Variants in GYPC observed in about 807,000 individuals in gnomAD.
GYPC encodes glycophorin C (Gerbich blood group), also known as glycophorin-C.
Under a neutral mutation model 12.6 loss-of-function variants are expected in GYPC, and 14 were observed. The ratio of observed to expected loss-of-function variants is 1.11; its 90% CI spans 0.74 to 1.74. GYPC has a LOEUF of 1.74. Ranked by LOEUF, GYPC falls within the 40% of genes most tolerant of loss-of-function variation. The pLI is 0.00. For synonymous variants in GYPC, 78 were observed against 62.1 expected, an observed-to-expected ratio of 1.26 and a Z score of -1.20; for missense variants, 225 against 172.1, an observed-to-expected ratio of 1.31 and a Z score of -1.72.
chr2:126,656,637 C>T (rs929850874), intron 1 of GYPC, among the ~76,000 whole-genome samples: 1 of 152,248 alleles, frequency 6.6e-6, no homozygotes, highest in Admixed American at 6.5e-5. Flanking sequence ...TGTGTGGGGC[C>T]AGAATTGTCT....
At chr2:126,681,553 A>T (rs552779191) in intron 1 of GYPC, among the ~76,000 whole-genome samples, 1 of 151,558 alleles carries the variant, frequency 6.6e-6, no homozygotes, top group East Asian at 1.9e-4. Context: ...ATACCAGAGT[A>T]TTGAAGGTAC....
rs572617546 is a variant in GYPC at position 126,696,235 on chromosome 2, C to CAG, written c.*104_*105dup. The CAG allele has an allele frequency of 2.2e-4, 203 of 907,046 alleles. No individual in the cohort carries two copies. Among genetic ancestry groups the CAG allele is most frequent in the African/African-American group, 3.6e-4 (22 of 60,866 alleles). 56.2% of individuals were successfully genotyped at this position (907,046 alleles called of 1,614,324 possible). On this transcript the variant is annotated 3_prime_UTR_variant, in exon 4 of 4. Coordinates refer to ENST00000259254, the MANE Select transcript of GYPC (RefSeq NM_002101.5). ...CAGCACCCCTGCTGATACCACCAGA[C>CAG]AGAGAGAGAGAGCACTTGATTCTTC...
intron 1 of GYPC, among the ~76,000 whole-genome samples, chr2:126,685,648 G>T (rs1426995319): frequency 6.6e-6 from 1 of 152,096 alleles, no homozygotes; most frequent in Non-Finnish European, 1.5e-5. Flanking sequence ...GCCTCCCAAA[G>T]TTGGGATTAC....
intron 1 of GYPC, among the ~76,000 whole-genome samples, chr2:126,666,813 C>A (rs17690541): frequency 3.3e-4 from 50 of 151,282 alleles, no homozygotes; most frequent in Admixed American, 2.8e-3. Flanking sequence ...CATCTCCTTG[C>A]GTTTCTTAGC....
intron 1 of GYPC, among the ~76,000 whole-genome samples, chr2:126,659,281 A>G (rs182035761): frequency 2.6e-5 from 4 of 152,250 alleles, no homozygotes; most frequent in African/African-American, 9.6e-5. Flanking sequence ...GCTTTTGTCC[A>G]TTTCCTGTCA....
At chr2:126,662,572 G>A (rs887660617) in intron 1 of GYPC, among the ~76,000 whole-genome samples, 12 of 152,164 alleles carry the variant, frequency 7.9e-5, no homozygotes, top group South Asian at 4.1e-4. Flanking sequence ...ACAGGGATGG[G>A]ACCTGCCCAG....
In GYPC at chr2:126,680,648, C is replaced by T. The variant is rs566417784; in HGVS notation, c.50-9607C>T. On this transcript the variant is annotated intron_variant, in intron 1 of 3. Coordinates refer to ENST00000259254, the MANE Select transcript of GYPC (RefSeq NM_002101.5). Reference sequence around the variant, plus strand: ...GCAGAAGCAAGGGACTGGGGGTGAACCATGGACTGAAGCCACAGCGCACAT... The same window carrying T: ...GCAGAAGCAAGGGACTGGGGGTGAATCATGGACTGAAGCCACAGCGCACAT... Among the ~76,000 whole-genome samples, 5 of 152,294 alleles carry T rather than the reference C, an allele frequency of 3.3e-5. No homozygotes were observed. The East Asian group carries it at 9.6e-4, about 29-fold the overall frequency.
chr2:126,688,952 T>G (rs893798), intron 1 of GYPC, among the ~76,000 whole-genome samples: 9 of 152,050 alleles, frequency 5.9e-5, no homozygotes, highest in African/African-American at 1.9e-4. Context: ...CCTATGTTAA[T>G]GCTGATATTT....
At chr2:126,687,490 C>A (rs902492880) in intron 1 of GYPC, among the ~76,000 whole-genome samples, 4 of 152,204 alleles carry the variant, frequency 2.6e-5, no homozygotes, top group Non-Finnish European at 5.9e-5. Flanking sequence ...TCCCAGACAG[C>A]CTTGAGCTTC....
intron 1 of GYPC, among the ~76,000 whole-genome samples, chr2:126,669,589 CCT>C (rs143683999): frequency 6.6e-6 from 1 of 152,272 alleles, no homozygotes; most frequent in African/African-American, 2.4e-5. Context: ...ATTTCAGAAT[CCT>C]GGAGCCTCTG....
Position 126,693,964 on chromosome 2 carries a change from G to A in GYPC, c.190+17G>A, listed in dbSNP as rs1558894242. 2 of 1,557,814 alleles carry A rather than the reference G, an allele frequency of 1.3e-6. No individual in the cohort carries two copies. Among genetic ancestry groups the A allele is most frequent in the Non-Finnish European group, 1.8e-6 (2 of 1,128,456 alleles). The stretch of plus-strand genomic sequence containing the variant: ...TCATTGCAGGTGAGCTCTCATCACA[G>A]AGCCCTTCAAGCAGCCAGGGTGGGG... On this transcript the variant is annotated intron_variant, in intron 3 of 3. Transcript: ENST00000259254.
chr2:126,675,693 G>A lies in GYPC; in HGVS notation c.50-14562G>A, dbSNP rs185977768. 7.2e-5 allele frequency: 71 copies of A among 985,032 alleles called. No individual in the cohort carries two copies. The East Asian group carries it at 3.3e-3, about 46-fold the overall frequency. 61.0% of individuals were successfully genotyped at this position (985,032 alleles called of 1,614,324 possible). A position where few individuals can be genotyped will look rare whatever the true frequency, so the allele number is the denominator to read the frequency against. On this transcript the variant is annotated intron_variant, in intron 1 of 3. Transcript: ENST00000259254. ...GCTGTTCGTCACTACCCGAGAAAAC[G>A]CAGACTTCTTAGTCTGATCTTCAGG...
chr2:126,674,201 C>T (rs1052145241), intron 1 of GYPC, among the ~76,000 whole-genome samples: 2 of 152,134 alleles, frequency 1.3e-5, no homozygotes, highest in Non-Finnish European at 2.9e-5. Flanking sequence ...AGCCTCCGAG[C>T]GGGAGAAGCA....
In GYPC at chr2:126,687,828, A is replaced by G. The variant is rs148852006; in HGVS notation, c.50-2427A>G. Among the ~76,000 whole-genome samples, 12 of 152,142 alleles carry G rather than the reference A, an allele frequency of 7.9e-5. 1 individual carries two copies. In the East Asian group the frequency reaches 1.9e-3, roughly 25 times the overall value. ...AAGTGTGTGTAGTCTCCCAGTATAC[A>G]GATTTGAGTACAAGGTCCCTAACCA... On this transcript the variant is annotated intron_variant, in intron 1 of 3. Coordinates refer to ENST00000259254, the MANE Select transcript of GYPC (RefSeq NM_002101.5).
intron 1 of GYPC, among the ~76,000 whole-genome samples, chr2:126,677,969 C>A (rs1462530369): frequency 6.6e-6 from 1 of 152,228 alleles, no homozygotes; most frequent in Non-Finnish European, 1.5e-5. Flanking sequence ...CGCCTGTAAT[C>A]CCAGCACTTT....
At chr2:126,690,204 G>T (rs1298481352) in intron 1 of GYPC, 51 bp from the exon 2 acceptor site, 1 of 1,360,650 alleles carries the variant, frequency 7.3e-7, no homozygotes, top group Non-Finnish European at 1.1e-6. Flanking sequence ...GGTGCTGCTA[G>T]GCATGGAGAG....
At chr2:126,673,096 C>G (rs575687731) in intron 1 of GYPC, among the ~76,000 whole-genome samples, 1 of 152,032 alleles carries the variant, frequency 6.6e-6, no homozygotes, top group Non-Finnish European at 1.5e-5. Context: ...TACTTTTCAT[C>G]TGCTTGATGT....
chr2:126,690,059 C>T (rs1340578056), intron 1 of GYPC, among the ~76,000 whole-genome samples, 196 bp from the exon 2 acceptor site: 1 of 152,198 alleles, frequency 6.6e-6, no homozygotes, highest in Non-Finnish European at 1.5e-5. Flanking sequence ...CCATCCCAGT[C>T]AGTGACCAAG....
intron 1 of GYPC, among the ~76,000 whole-genome samples, chr2:126,684,528 A>C (rs1683233466): frequency 2.0e-5 from 3 of 152,260 alleles, no homozygotes; most frequent in Admixed American, 1.3e-4. Flanking sequence ...TCAGAAGGAC[A>C]GACTTGGGGC....
Sources: gnomAD v4.1 joint callset for allele counts (sites outside exome capture counted in the v4.1 genomes callset) on GRCh38, gnomAD v4.1.1 for gene constraint, MANE v1.5 for transcripts, NCBI Gene and HGNC (gene_info 2026-07-23, HGNC 2026-07-21) for gene names.